PSG5: variants seen among roughly 807,000 people sequenced by gnomAD.
The protein encoded by PSG5 is pregnancy-specific beta-1-glycoprotein 5.
PSG5 carries 53 observed loss-of-function variants against 37.7 expected under a neutral mutation model. The observed-to-expected ratio is 1.41, with a 90% CI of 1.13 to 1.77. PSG5 has a LOEUF of 1.77. PSG5 is among the 40% of genes most tolerant of loss of function. The pLI, the probability that PSG5 is intolerant of heterozygous loss-of-function variation, is 0.00. For synonymous variants in PSG5, 221 were observed against 155.4 expected (o/e 1.42, Z -3.14); for missense variants, 547 against 405.2 (o/e 1.35, Z -3.00).
In PSG5 at chr19:43,183,814, A is replaced by T. The variant is rs866427393; in HGVS notation, c.430+968T>A. On this transcript the variant is annotated intron_variant, in intron 2 of 5. Transcript: ENST00000342951. ...TGCAGACAGACCTCATGTGACCCTG[A>T]TCTCCCCCTTTGGGTTTGTGTGACT... Among the ~76,000 whole-genome samples the T allele has an allele frequency of 2.2e-3, 333 of 151,332 alleles. 12 individuals are homozygous for T. The highest frequency in any genetic ancestry group is 7.9e-3 in the African/African-American group (324 of 41,080).
rs1968907053 is a variant in PSG5 at position 43,171,644 on chromosome 19, A to G, written c.965-1506T>C. 3 of 782,730 alleles carry G rather than the reference A, an allele frequency of 3.8e-6. No homozygotes were observed. In the East Asian group the frequency reaches 1.1e-4, roughly 28 times the overall value. The allele number at this position is 782,730 out of a possible 1,614,324, so 48.5% of individuals were successfully genotyped here. ...CCATTAACTAGATTGACTAAGAAAA[A>G]AAGAGAAAAGTTTAAAATTACTCAA... On this transcript the variant is annotated intron_variant, in intron 4 of 5. Coordinates refer to ENST00000342951, the MANE Select transcript of PSG5 (RefSeq NM_002781.4).
chr19:43,173,269 G>T lies in PSG5; in HGVS notation c.964+1946C>A, dbSNP rs1004757378. ...AAGAGTAAAAACTACAGAACTCTTA[G>T]AAGAAAAGCTTCATGATACTGGATT... On this transcript the variant is annotated intron_variant, in intron 4 of 5. Transcript: ENST00000342951. Among the ~76,000 whole-genome samples, 5 of 151,620 alleles carry T rather than the reference G, an allele frequency of 3.3e-5. 1 individual carries two copies. The highest frequency in any genetic ancestry group is 2.0e-4 in the Admixed American group (3 of 15,180).
intron 2 of PSG5, chr19:43,179,270 A>T (rs1480969376): frequency 3.8e-6 from 5 of 1,329,058 alleles, no homozygotes. Context: ...AGTCCTTAAA[A>T]GCCCATGGCA....
Position 43,184,869 on chromosome 19 carries a change from C to T in PSG5, c.343G>A (p.Glu115Lys), listed in dbSNP as rs779293284. The change falls in exon 2 of 6, where the codon GAA (glutamate) becomes AAA (lysine). Residue 115 changes from glutamate to lysine, a missense_variant. Physicochemically the swap from Glu to Lys is moderately conservative, Grantham distance 56. Coordinates refer to ENST00000342951, the MANE Select transcript of PSG5 (RefSeq NM_002781.4). ...ASLLIQNVTR[E>K]DAGSYTLHII... is the part of the protein sequence containing the mutation. ...TGTAAGGTGTAGGATCCTGCGTCTT[C>T]CCGGGTGACATTCTGGATCAGCAGG... The T allele has an allele frequency of 1.2e-6, 2 of 1,612,598 alleles. No individual in the cohort carries two copies. Among genetic ancestry groups the T allele is most frequent in the East Asian group, 2.2e-5 (1 of 44,868 alleles).
At chr19:43,173,967 A>G (rs1968953160) in intron 4 of PSG5, among the ~76,000 whole-genome samples, 1 of 151,734 alleles carries the variant, frequency 6.6e-6, no homozygotes. Flanking sequence ...ACAACTGAAA[A>G]GTCCATTGAA....
intron 5 of PSG5, 89 bp downstream of exon 5, chr19:43,169,966 T>C: frequency 1.3e-6 from 1 of 780,154 alleles, no homozygotes; most frequent in Non-Finnish European, 2.2e-6. Flanking sequence ...GGAGATGCAG[T>C]CCCAGATACA....
At chr19:43,174,530 T>G (rs1193821134) in intron 4 of PSG5, 1 of 843,500 alleles carries the variant, frequency 1.2e-6, no homozygotes, top group East Asian at 1.2e-4. Context: ...AACCGGTGAC[T>G]TCAGAGCCAG....
At chr19:43,168,443 A>G (rs1198958770) in intron 5 of PSG5, among the ~76,000 whole-genome samples, 1 of 151,456 alleles carries the variant, frequency 6.6e-6, no homozygotes, top group African/African-American at 2.4e-5. Flanking sequence ...ATCTCAGTTC[A>G]CTGCAAGCTC....
At chr19:43,170,233 A>T (rs1247843907) in intron 4 of PSG5, 95 bp from the exon 5 acceptor site, 14 of 1,118,388 alleles carry the variant, frequency 1.3e-5, no homozygotes, top group Non-Finnish European at 1.8e-5. Flanking sequence ...GTACTCTATA[A>T]TTGTTTCTTC....
rs1173157289 is a variant in PSG5 at position 43,170,157 on chromosome 19, T to A, written c.965-19A>T. On this transcript the variant is annotated intron_variant, in intron 4 of 5. Transcript: ENST00000342951. ...GAAGGAGCTGTCATGGAAAGAAAAGTAAAGAAGGAATGAAGGTGATGTTAT... is the reference window on the plus strand; with the variant it reads ...GAAGGAGCTGTCATGGAAAGAAAAGAAAAGAAGGAATGAAGGTGATGTTAT... The A allele has an allele frequency of 5.7e-6, 9 of 1,568,428 alleles. No individual in the cohort carries two copies. Among genetic ancestry groups the A allele is most frequent in the African/African-American group, 4.1e-5 (3 of 73,232 alleles).
chr19:43,175,489 G>A lies in PSG5; in HGVS notation c.710-20C>T, dbSNP rs185496400. On this transcript the variant is annotated intron_variant, in intron 3 of 5. Transcript: ENST00000342951. ...GACCATCTGGAGCAAAGAGAATGAA[G>A]CCACAGGTGATGTCATCCAAGGGAA... is the stretch of plus-strand genomic sequence containing the variant. The A allele has an allele frequency of 5.0e-6, 8 of 1,591,836 alleles. No homozygotes were observed. In the East Asian group the frequency reaches 1.1e-4, roughly 22 times the overall value.
Sources: allele counts gnomAD v4.1 joint callset (sites outside exome capture counted in the v4.1 genomes callset), GRCh38; gene constraint gnomAD v4.1.1; transcripts MANE v1.5; gene names NCBI Gene and HGNC (gene_info 2026-07-23, HGNC 2026-07-21).